Variants in ABR observed in about 807,000 individuals in gnomAD.
ABR encodes ABR activator of RhoGEF and GTPase, also known as active breakpoint cluster region-related protein.
ABR carries 35 observed loss-of-function variants against 107.2 expected under a neutral mutation model. The observed-to-expected ratio is 0.33, with a 90% confidence interval of 0.25 to 0.43. The LOEUF (loss-of-function observed/expected upper bound fraction) is 0.43. ABR is among the 20% of genes least tolerant of loss of function. The probability of loss-of-function intolerance (pLI) is 1.00; values close to 1 mark genes in which losing one functional copy is unlikely to be tolerated. For synonymous variants in ABR, 498 were observed against 462.0 expected (o/e 1.08, Z -1.00); for missense variants, 815 against 1,115.2 (o/e 0.73, Z 3.83).
chr17:1,168,998 GGCTGGGTGGACGCCA>G (rs1480553670), intron 1 of ABR, among the ~76,000 whole-genome samples: 1 of 152,208 alleles, frequency 6.6e-6, no homozygotes, highest in Non-Finnish European at 1.5e-5. Flanking sequence ...TGTTCCACGC[GGCTGGGTGGACGCCA>G]GCTGGTCTCT....
intron 1 of ABR, among the ~76,000 whole-genome samples, chr17:1,201,703 T>G (rs2042674852): frequency 6.6e-6 from 1 of 152,056 alleles, no homozygotes. Flanking sequence ...TTTGAGAGAG[T>G]CTCGCTCTGT....
At chr17:1,066,994 CA>C in intron 10 of ABR, 82 bp downstream of exon 10, 1 of 1,487,314 alleles carries the variant, frequency 6.7e-7, no homozygotes, top group Non-Finnish European at 9.2e-7. Context: ...CTCAAAGTCT[CA>C]AACCTTACAA....
chr17:1,079,060 A>T, intron 6 of ABR: 1 of 406,678 alleles, frequency 2.5e-6, no homozygotes, highest in Non-Finnish European at 3.7e-6. Context: ...GAAGGGGAGG[A>T]GGGGTAGGGA....
At chr17:1,032,086 C>G (rs1332720873) in intron 16 of ABR, among the ~76,000 whole-genome samples, 3 of 152,012 alleles carry the variant, frequency 2.0e-5, no homozygotes, top group African/African-American at 7.2e-5. Flanking sequence ...AAAGTTTACA[C>G]CAGCCCCACA....
chr17:1,195,601 G>A (rs35279503), intron 1 of ABR, among the ~76,000 whole-genome samples: 42,402 of 150,638 alleles, frequency 0.28, 7,374 homozygotes, highest in East Asian at 0.61. Context: ...TCAGGAGATC[G>A]AGACCATCCT....
Position 1,070,558 on chromosome 17 carries a change from C to T in ABR, c.895-468G>A, listed in dbSNP as rs184008182. On this transcript the variant is annotated intron_variant, in intron 8 of 22. Coordinates refer to ENST00000302538, the MANE Select transcript of ABR (RefSeq NM_021962.5). The surrounding 1 kb of genome is among the most constrained non-coding windows in gnomAD (Gnocchi z 4.2). ...CCGCGGCGGCGAACTTCATCTAGCC[C>T]CGGCTCAACCGAGACCCGAGACCCG... is the stretch of plus-strand genomic sequence containing the variant. 5.0e-3 allele frequency among the ~76,000 whole-genome samples: 761 copies of T among 152,256 alleles called. 7 individuals are homozygous for T. The highest frequency in any genetic ancestry group is 8.4e-3 in the Non-Finnish European group (569 of 68,006).
intron 16 of ABR, among the ~76,000 whole-genome samples, chr17:1,014,029 T>G (rs1373131189): frequency 6.6e-6 from 1 of 152,270 alleles, no homozygotes; most frequent in African/African-American, 2.4e-5. Context: ...GCAAAGAGTA[T>G]GATTTCCAAA....
At chr17:1,088,829 T>A (rs2036809247) in intron 4 of ABR, among the ~76,000 whole-genome samples, 1 of 151,338 alleles carries the variant, frequency 6.6e-6, no homozygotes, top group African/African-American at 2.4e-5. Context: ...CCTCAGGTGA[T>A]CCGCCCACCT....
At chr17:1,228,781 G>C (rs1398265366) in intron 1 of ABR, 1 of 151,972 alleles carries the variant, frequency 6.6e-6, no homozygotes, top group Admixed American at 6.5e-5. Context: ...GGGGTCTGGG[G>C]GGGGCGCCCA....
chr17:1,211,750 C>A (rs1397347609), intron 1 of ABR, among the ~76,000 whole-genome samples: 1 of 152,158 alleles, frequency 6.6e-6, no homozygotes, highest in Non-Finnish European at 1.5e-5. Flanking sequence ...TGGTATCTGC[C>A]TTCAGCAATG....
At chr17:1,098,225 A>C (rs2037612526) in intron 3 of ABR, among the ~76,000 whole-genome samples, 1 of 152,014 alleles carries the variant, frequency 6.6e-6, no homozygotes, top group Non-Finnish European at 1.5e-5. Flanking sequence ...GGTGCTCGCC[A>C]CCACGCCCGG....
chr17:1,101,890 C>T lies in ABR; in HGVS notation c.247-1155G>A, dbSNP rs562120735. ...CTGGGACTACAGGCTCCCGCCACCACGCCCAGCTAACTTTTTGTATTTTTA... is the reference window on the plus strand; with the variant it reads ...CTGGGACTACAGGCTCCCGCCACCATGCCCAGCTAACTTTTTGTATTTTTA... On this transcript the variant is annotated intron_variant, in intron 2 of 22. Transcript: ENST00000302538. Among the ~76,000 whole-genome samples, 463 of 152,182 alleles carry T rather than the reference C, an allele frequency of 3.0e-3. 2 individuals carry two copies. The highest frequency in any genetic ancestry group is 9.4e-3 in the African/African-American group (390 of 41,516).
At chr17:1,190,198 AT>A (rs1221270821), upstream of ABR, among the ~76,000 whole-genome samples, 1 of 152,194 alleles carries the variant, frequency 6.6e-6, no homozygotes, top group Non-Finnish European at 1.5e-5. Context: ...AGCAGCCAGT[AT>A]TGGAGGCTGT....
At chr17:1,226,677 C>T (rs533512182) in intron 1 of ABR, among the ~76,000 whole-genome samples, 8 of 143,534 alleles carry the variant, frequency 5.6e-5, no homozygotes, top group Non-Finnish European at 1.2e-4. Context: ...TGACAGTATG[C>T]CATGTGTTTA....
At chr17:1,104,356 CTAAA>C (rs2038104358) in intron 2 of ABR, among the ~76,000 whole-genome samples, 1 of 152,180 alleles carries the variant, frequency 6.6e-6, no homozygotes, top group South Asian at 2.1e-4. Context: ...AGTTGAGAGG[CTAAA>C]TAAAGCCTCC....
intron 16 of ABR, among the ~76,000 whole-genome samples, chr17:1,043,600 T>C (rs138015058): frequency 8.9e-4 from 135 of 152,342 alleles, no homozygotes; most frequent in African/African-American, 3.1e-3. Context: ...AATCCTTAGC[T>C]CACTCTAGCC....
At chr17:1,227,588 C>T (rs1039017777) in intron 1 of ABR, among the ~76,000 whole-genome samples, 1 of 152,204 alleles carries the variant, frequency 6.6e-6, no homozygotes, top group Non-Finnish European at 1.5e-5. Context: ...CAAATGCAAA[C>T]TCATCCAGAT....
intron 1 of ABR, among the ~76,000 whole-genome samples, chr17:1,127,465 A>G (rs1309111348): frequency 6.6e-6 from 1 of 152,154 alleles, no homozygotes; most frequent in East Asian, 1.9e-4. Flanking sequence ...GGGAGGAGGA[A>G]GAGGCACAGC....
At chr17:1,047,997 G>A (rs1048274061) in intron 16 of ABR, among the ~76,000 whole-genome samples, 3 of 152,180 alleles carry the variant, frequency 2.0e-5, no homozygotes. Flanking sequence ...CCCAGGGAGT[G>A]TGGCGTGGCG....
Sources: allele counts gnomAD v4.1 joint callset (sites outside exome capture counted in the v4.1 genomes callset), GRCh38; gene constraint gnomAD v4.1.1; non-coding constraint Gnocchi (gnomAD v3.1); transcripts MANE v1.5; gene names NCBI Gene and HGNC (gene_info 2026-07-23, HGNC 2026-07-21).